Variants in ATP11A observed in about 807,000 individuals in gnomAD.
The protein encoded by ATP11A is ATPase phospholipid transporting 11A.
Under a neutral mutation model 154.4 loss-of-function variants are expected in ATP11A, and 81 were observed. The ratio of observed to expected loss-of-function variants is 0.52; its 90% confidence interval spans 0.44 to 0.63. The LOEUF (loss-of-function observed/expected upper bound fraction) is 0.63. Among genes scored for constraint, ATP11A ranks in the 30% least tolerant of loss-of-function variants. The pLI, the probability that ATP11A is intolerant of heterozygous loss-of-function variation, is 0.00. For synonymous variants in ATP11A, 623 were observed against 585.9 expected (o/e 1.06, Z -0.91); for missense variants, 1,316 against 1,474.3 (o/e 0.89, Z 1.76).
intron 2 of ATP11A, among the ~76,000 whole-genome samples, chr13:112,786,917 C>CG (rs1352110717): frequency 3.4e-4 from 50 of 146,340 alleles, no homozygotes; most frequent in East Asian, 2.9e-3. Flanking sequence ...TAATTCACAC[C>CG]GGTGTCCTGA....
intron 1 of ATP11A, among the ~76,000 whole-genome samples, chr13:112,758,595 T>G (rs920340944): frequency 6.6e-6 from 1 of 151,792 alleles, no homozygotes; most frequent in Non-Finnish European, 1.5e-5. Context: ...GGCTAATTTT[T>G]TGTATTTTTA....
intron 12 of ATP11A, among the ~76,000 whole-genome samples, chr13:112,828,611 G>T (rs182894700): frequency 1.3e-5 from 2 of 151,932 alleles, no homozygotes; most frequent in Admixed American, 1.3e-4. Context: ...AAGGGAAAGC[G>T]CCCAGCAGCA....
chr13:112,700,643 T>A (rs767028957), intron 1 of ATP11A, among the ~76,000 whole-genome samples: 1 of 152,244 alleles, frequency 6.6e-6, no homozygotes, highest in Non-Finnish European at 1.5e-5. Flanking sequence ...CAGCCCCAGG[T>A]TGTGCCTGTT....
rs2079079820 is a variant in ATP11A at position 112,831,395 on chromosome 13, C to T, written c.1242C>T (p.Asp414=). The change falls in exon 13 of 30, where the codon GAC becomes GAT. Residue 414 remains aspartate, a synonymous_variant. Transcript: ENST00000375645. The part of the protein sequence containing the change: ...ELGQVEYIFT[D]KTGTLTENNM... ...CGCAGGTGGAGTACATCTTCACAGA[C>T]AAGACCGGCACCCTCACGGAAAACA... The T allele has an allele frequency of 6.2e-7, 1 of 1,614,172 alleles. No individual in the cohort carries two copies.
intron 1 of ATP11A, among the ~76,000 whole-genome samples, chr13:112,747,858 C>T (rs1178972649): frequency 1.3e-5 from 2 of 150,934 alleles, no homozygotes; most frequent in Non-Finnish European, 1.5e-5. Flanking sequence ...CAAAACAAAA[C>T]GAAGGAACAC....
rs549232118 is a variant in ATP11A, at chr13:112,882,054, T to C, written c.*188T>C. 2 of 1,367,686 alleles carry C rather than the reference T, an allele frequency of 1.5e-6. No individual in the cohort carries two copies. Among genetic ancestry groups the C allele is most frequent in the Middle Eastern group, 2.1e-4 (1 of 4,768 alleles). The allele number at this position is 1,367,686 out of a possible 1,614,324, so 84.7% of individuals were successfully genotyped here. On this transcript the variant is annotated 3_prime_UTR_variant, in exon 30 of 30. Transcript: ENST00000375645. This position sits in a 1 kb window ranked among gnomAD's most constrained non-coding sequence, Gnocchi z 5.1. ...AGCTGCCCTAGGTCCCGTGTGGGAA[T>C]GCTCGTGTGATGGATGGTCCTAAGC... is the stretch of plus-strand genomic sequence containing the variant.
intron 12 of ATP11A, among the ~76,000 whole-genome samples, chr13:112,827,931 A>G (rs1418388434): frequency 3.3e-5 from 5 of 152,276 alleles, no homozygotes; most frequent in African/African-American, 1.2e-4. Context: ...GCAATGCGCA[A>G]ACTATAATTT....
chr13:112,837,935 G>T (rs1017229365), intron 16 of ATP11A, among the ~76,000 whole-genome samples: 4 of 151,994 alleles, frequency 2.6e-5, no homozygotes, highest in Non-Finnish European at 4.4e-5. Context: ...TGGCTGCTCT[G>T]GGGGGCTGCC....
At chr13:112,802,497 C>A (rs1182997406) in intron 2 of ATP11A, among the ~76,000 whole-genome samples, 1 of 137,664 alleles carries the variant, frequency 7.3e-6, no homozygotes, top group Non-Finnish European at 1.5e-5. Flanking sequence ...CAATTCAGGG[C>A]AGACAGAAAA....
intron 20 of ATP11A, chr13:112,856,384 A>T: frequency 1.0e-5 from 2 of 195,682 alleles, no homozygotes; most frequent in Non-Finnish European, 2.1e-5. Flanking sequence ...ATCACTCCTG[A>T]GAATCTACAC....
At chr13:112,714,029 C>A (rs1357539608) in intron 1 of ATP11A, among the ~76,000 whole-genome samples, 4 of 151,230 alleles carry the variant, frequency 2.6e-5, no homozygotes, top group African/African-American at 7.3e-5. Context: ...TGATCCCACA[C>A]CTCCCTTTCA....
chr13:112,837,613 A>G (rs1384493493), intron 16 of ATP11A, among the ~76,000 whole-genome samples: 1 of 152,184 alleles, frequency 6.6e-6, no homozygotes, highest in Non-Finnish European at 1.5e-5. Context: ...CTAAAACCAG[A>G]CACTCCCAGG....
At chr13:112,844,859 C>CGCTAGCAGT (rs2079537431) in intron 17 of ATP11A, among the ~76,000 whole-genome samples, 1 of 140,436 alleles carries the variant, frequency 7.1e-6, no homozygotes, top group African/African-American at 3.2e-5. Flanking sequence ...AGTTGCCGGG[C>CGCTAGCAGT]ACTAACAGTA....
chr13:112,751,231 G>A (rs952347919), intron 1 of ATP11A, among the ~76,000 whole-genome samples: 3 of 152,216 alleles, frequency 2.0e-5, no homozygotes, highest in African/African-American at 7.2e-5. Context: ...ATGTGTCTTG[G>A]TATTGTTTGT....
At chr13:112,772,538 A>G (rs1027764588) in intron 1 of ATP11A, among the ~76,000 whole-genome samples, 1 of 77,804 alleles carries the variant, frequency 1.3e-5, no homozygotes, top group African/African-American at 3.1e-5. Context: ...TCACCCTCAA[A>G]TGAAACCCCA....
intron 18 of ATP11A, among the ~76,000 whole-genome samples, chr13:112,853,746 A>G (rs755010476): frequency 1.7e-4 from 26 of 152,220 alleles, no homozygotes; most frequent in Non-Finnish European, 3.1e-4. Context: ...TGGCAAGCCC[A>G]TGGCACCTGT....
chr13:112,776,840 A>C lies in ATP11A; in HGVS notation c.40-8295A>C, dbSNP rs540514109. 3.5e-4 allele frequency among the ~76,000 whole-genome samples: 53 copies of C among 152,126 alleles called. No individual in the cohort carries two copies. In the South Asian group the frequency reaches 7.9e-3, roughly 23 times the overall value. On this transcript the variant is annotated intron_variant, in intron 1 of 29. Transcript: ENST00000375645. ...TCAAACTCCTGACCTCAGGTGATCC[A>C]CCCACCTTGGCCTCCCAGAGTGCTG...
In ATP11A at chr13:112,883,337, A is replaced by C. The variant is rs2080926182; in HGVS notation, c.*1471A>C. Reference sequence around the variant, plus strand: ...TTTGACATAGCCTTAATGGTCCTTAAAGAAGACATTTCAGTGTGAGATTCA... The same window carrying C: ...TTTGACATAGCCTTAATGGTCCTTACAGAAGACATTTCAGTGTGAGATTCA... On this transcript the variant is annotated 3_prime_UTR_variant, in exon 30 of 30. Coordinates refer to ENST00000375645, the MANE Select transcript of ATP11A (RefSeq NM_015205.3). The C allele has an allele frequency of 2.5e-6, 1 of 396,926 alleles. No individual in the cohort carries two copies. The highest frequency in any genetic ancestry group is 2.1e-5 in the African/African-American group (1 of 48,576). 24.6% of individuals were successfully genotyped at this position (396,926 alleles called of 1,614,324 possible).
intron 1 of ATP11A, among the ~76,000 whole-genome samples, chr13:112,749,187 G>C (rs1404175820): frequency 6.6e-6 from 1 of 152,224 alleles, no homozygotes; most frequent in African/African-American, 2.4e-5. Flanking sequence ...TCTCCGCACA[G>C]TGCAGCCGGT....
Sources: gnomAD v4.1 joint callset for allele counts (sites outside exome capture counted in the v4.1 genomes callset) on GRCh38, gnomAD v4.1.1 for gene constraint, Gnocchi (gnomAD v3.1) non-coding constraint, MANE v1.5 for transcripts, NCBI Gene and HGNC (gene_info 2026-07-23, HGNC 2026-07-21) for gene names.